Variants in ZNF225 observed in about 807,000 individuals in gnomAD.
ZNF225 encodes zinc finger protein 225.
Under a neutral mutation model 12.0 loss-of-function variants are expected in ZNF225, and 6 were observed. That is an observed-to-expected ratio of 0.50 (90% CI 0.27 to 0.98). ZNF225 has a LOEUF of 0.98. Among genes scored for constraint, ZNF225 ranks in the 50% least tolerant of loss-of-function variants. The pLI, the probability that ZNF225 is intolerant of heterozygous loss-of-function variation, is 0.11. For synonymous variants in ZNF225, 271 were observed against 283.2 expected (o/e 0.96, Z 0.43); for missense variants, 763 against 848.2 (o/e 0.90, Z 1.25).
At chr19:44,118,642 C>A in intron 4 of ZNF225, 68 bp downstream of exon 4, 2 of 1,483,486 alleles carry the variant, frequency 1.3e-6, no homozygotes, top group East Asian at 2.4e-5. Context: ...GTCCATTGCC[C>A]AGCTCTGTTG....
At chr19:44,128,121 T>TGTACATGTACATCACCAAC (rs373918255) in intron 4 of ZNF225, among the ~76,000 whole-genome samples, 2 of 139,972 alleles carry the variant, frequency 1.4e-5, no homozygotes, top group African/African-American at 2.7e-5. Flanking sequence ...ACATCACCAA[T>TGTACATGTACATCACCAAC]GTACATGTAC....
chr19:44,134,439 G>A lies in ZNF225; in HGVS notation c.*1704G>A, dbSNP rs1968350545. ...TCCGTGTTTCCTAACACCAGCTAAA[G>A]GCCAGTCTTATAAGCAGTCCTTTCT... On this transcript the variant is annotated 3_prime_UTR_variant, in exon 5 of 5. Coordinates refer to ENST00000262894, the MANE Select transcript of ZNF225 (RefSeq NM_013362.4). The A allele has an allele frequency of 1.3e-5, 2 of 152,148 alleles. No individual in the cohort carries two copies. The highest frequency in any genetic ancestry group is 2.9e-5 in the Non-Finnish European group (2 of 68,036). 9.4% of individuals were successfully genotyped at this position (152,148 alleles called of 1,614,324 possible).
intron 4 of ZNF225, among the ~76,000 whole-genome samples, chr19:44,123,465 T>C (rs1030191355): frequency 6.6e-6 from 1 of 152,176 alleles, no homozygotes; most frequent in Non-Finnish European, 1.5e-5. Flanking sequence ...TTTTTGATTA[T>C]GTTCTTTCCT....
In ZNF225 at chr19:44,130,667, C is replaced by CTCCA. The variant is rs543363237; in HGVS notation, c.236-182_236-179dup. ...AGTGAGCGGAGATCACGCCACTGCA[C>CTCCA]TCCAGCCTGGGGGACAGAGCGAGAC... On this transcript the variant is annotated intron_variant, in intron 4 of 4. Coordinates refer to ENST00000262894, the MANE Select transcript of ZNF225 (RefSeq NM_013362.4). 985 of 375,190 alleles carry CTCCA rather than the reference C, an allele frequency of 2.6e-3. 6 individuals carry two copies. Among genetic ancestry groups the CTCCA allele is most frequent in the African/African-American group, 0.023 (926 of 41,080 alleles). The allele number at this position is 375,190 out of a possible 1,614,324, so 23.2% of individuals were successfully genotyped here. A position where few individuals can be genotyped will look rare whatever the true frequency, so the allele number is the denominator to read the frequency against.
At chr19:44,118,127 C>T in intron 2 of ZNF225, 61 bp from the exon 3 acceptor site, 13 of 1,565,862 alleles carry the variant, frequency 8.3e-6, no homozygotes, top group African/African-American at 1.4e-5. Context: ...CTGCTCAGTG[C>T]CACCCCTCTC....
At chr19:44,119,416 T>C (rs1288107305) in intron 4 of ZNF225, among the ~76,000 whole-genome samples, 1 of 152,208 alleles carries the variant, frequency 6.6e-6, no homozygotes, top group African/African-American at 2.4e-5. Flanking sequence ...TGTCTGTAGG[T>C]GTTTGTTTCT....
In ZNF225 at chr19:44,134,453, G is replaced by A. The variant is rs1968350930; in HGVS notation, c.*1718G>A. The A allele has an allele frequency of 2.6e-5, 4 of 152,138 alleles. No homozygotes were observed. Among genetic ancestry groups the A allele is most frequent in the Admixed American group, 2.6e-4 (4 of 15,258 alleles). 9.4% of individuals were successfully genotyped at this position (152,138 alleles called of 1,614,324 possible). On this transcript the variant is annotated 3_prime_UTR_variant, in exon 5 of 5. Coordinates refer to ENST00000262894, the MANE Select transcript of ZNF225 (RefSeq NM_013362.4). The stretch of plus-strand genomic sequence containing the variant: ...CACCAGCTAAAGGCCAGTCTTATAA[G>A]CAGTCCTTTCTAAGATTTGCAGTCT...
intron 2 of ZNF225, among the ~76,000 whole-genome samples, chr19:44,116,742 T>G (rs1046892772): frequency 1.3e-4 from 20 of 152,194 alleles, no homozygotes; most frequent in African/African-American, 4.8e-4. Context: ...TAAGTGAGAC[T>G]GTTAAATTCT....
At chr19:44,120,462 C>T (rs563017903) in intron 4 of ZNF225, among the ~76,000 whole-genome samples, 1 of 152,250 alleles carries the variant, frequency 6.6e-6, no homozygotes, top group Non-Finnish European at 1.5e-5. Flanking sequence ...TTCAGTGTCT[C>T]CAGGAATCAT....
At chr19:44,116,454 G>A (rs1203545111) in intron 2 of ZNF225, among the ~76,000 whole-genome samples, 1 of 152,122 alleles carries the variant, frequency 6.6e-6, no homozygotes, top group Non-Finnish European at 1.5e-5. Context: ...AGGCACCCAA[G>A]GACAGTGATA....
At chr19:44,115,297 T>C (rs1967922039) in intron 1 of ZNF225, among the ~76,000 whole-genome samples, 1 of 152,208 alleles carries the variant, frequency 6.6e-6, no homozygotes, top group Non-Finnish European at 1.5e-5. Flanking sequence ...TCACCATAAT[T>C]CAGTTTAAAT....
chr19:44,118,291 A>G lies in ZNF225; in HGVS notation c.119A>G (p.Asn40Ser). 3.1e-6 allele frequency: 5 copies of G among 1,613,046 alleles called. No individual in the cohort carries two copies. The South Asian group carries it at 4.4e-5, about 14-fold the overall frequency. ...CTGTACCGAGAAGTGATGCTGGAGA[A>G]CTTCAGGAACCTGCTCTCAGTGGGT... ...RKLYREVMLENFRNLLSVGHQ... is the reference protein window; with the variant it reads ...RKLYREVMLESFRNLLSVGHQ... Residue 40 changes from asparagine to serine, a missense_variant, in exon 3 of 5, where the codon AAC becomes AGC. Asn to Ser is a conservative substitution (Grantham distance 46). Coordinates refer to ENST00000262894, the MANE Select transcript of ZNF225 (RefSeq NM_013362.4).
In ZNF225 at chr19:44,131,094, C is replaced by T. The variant is rs755753975; in HGVS notation, c.480C>T (p.Val160=). Residue 160 remains valine (V), a synonymous_variant, in exon 5 of 5, where the codon GTC becomes GTT. Coordinates refer to ENST00000262894, the MANE Select transcript of ZNF225 (RefSeq NM_013362.4). The part of the protein sequence containing the change: ...GRTCKKSFSD[V]SVLDLHQQLQ... The stretch of plus-strand genomic sequence containing the variant: ...CGTGTAAAAAGTCCTTTAGTGATGT[C>T]TCCGTCCTTGATCTTCATCAACAAC... 2.5e-6 allele frequency: 4 copies of T among 1,614,122 alleles called. No individual in the cohort carries two copies. The East Asian group carries it at 6.7e-5, about 27-fold the overall frequency.
intron 4 of ZNF225, among the ~76,000 whole-genome samples, chr19:44,122,003 G>C (rs2147561252): frequency 6.6e-6 from 1 of 152,210 alleles, no homozygotes; most frequent in Admixed American, 6.5e-5. Flanking sequence ...AGTTTAATTA[G>C]GTCCCAATTA....
chr19:44,129,244 CAA>C, intron 4 of ZNF225: 1 of 588,532 alleles, frequency 1.7e-6, no homozygotes, highest in Non-Finnish European at 2.5e-6. Context: ...TAACCAATTG[CAA>C]AGTTTAAAGT....
chr19:44,117,771 C>T (rs953081049), intron 2 of ZNF225, among the ~76,000 whole-genome samples: 1 of 152,186 alleles, frequency 6.6e-6, no homozygotes, highest in African/African-American at 2.4e-5. Flanking sequence ...GTAATCCCAG[C>T]ACTTTGGGAG....
chr19:44,113,982 C>A, intron 1 of ZNF225: 1 of 284,680 alleles, frequency 3.5e-6, no homozygotes, highest in East Asian at 5.6e-5. Context: ...TGCAGGGGCA[C>A]CGGCCCTTCT....
intron 4 of ZNF225, among the ~76,000 whole-genome samples, chr19:44,125,449 G>C (rs1417598520): frequency 6.6e-6 from 1 of 152,150 alleles, no homozygotes; most frequent in Non-Finnish European, 1.5e-5. Context: ...TGGTGCTTCT[G>C]TCTCACAGCT....
chr19:44,112,001 C>A (rs1967841729), upstream of ZNF225: 1 of 152,096 alleles, frequency 6.6e-6, no homozygotes, highest in South Asian at 2.1e-4. Flanking sequence ...GAAACGGGTT[C>A]CTCCATAGAG....
Sources: gnomAD v4.1 joint callset for allele counts (sites outside exome capture counted in the v4.1 genomes callset) on GRCh38, gnomAD v4.1.1 for gene constraint, MANE v1.5 for transcripts, NCBI Gene and HGNC (gene_info 2026-07-23, HGNC 2026-07-21) for gene names.